GLI2: variants seen among roughly 807,000 people sequenced by gnomAD.
GLI2 encodes the protein transcription activator GLI2.
In GLI2, 22 loss-of-function variants were observed where a neutral mutation model predicts 78.9. That is an observed-to-expected ratio of 0.28 (90% CI 0.20 to 0.40). The LOEUF (loss-of-function observed/expected upper bound fraction) is 0.40. Ranked by LOEUF, GLI2 falls within the 10% of genes least tolerant of loss-of-function variation. The pLI is 1.00. For synonymous variants in GLI2, 974 were observed against 963.7 expected, an observed-to-expected ratio of 1.01 and a Z score of -0.20; for missense variants, 2,097 against 2,213.2, an observed-to-expected ratio of 0.95 and a Z score of 1.05.
At chr2:120,853,576 C>T (rs1271933743) in intron 2 of GLI2, among the ~76,000 whole-genome samples, 1 of 152,230 alleles carries the variant, frequency 6.6e-6, no homozygotes, top group East Asian at 1.9e-4. Context: ...TTCTAAGTCA[C>T]TAGTCCCTTG....
At chr2:120,831,115 C>T (rs1203559988) in intron 2 of GLI2, among the ~76,000 whole-genome samples, 4 of 151,812 alleles carry the variant, frequency 2.6e-5, no homozygotes. Context: ...CTGTCATCCT[C>T]TCTCTTTCTG....
Position 120,990,749 on chromosome 2 carries a change from T to G in GLI2, c.*74T>G. The G allele has an allele frequency of 7.5e-7, 1 of 1,326,830 alleles. No individual in the cohort carries two copies. The allele number at this position is 1,326,830 out of a possible 1,614,324, so 82.2% of individuals were successfully genotyped here. On this transcript the variant is annotated 3_prime_UTR_variant, in exon 14 of 14. Coordinates refer to ENST00000361492, the MANE Select transcript of GLI2 (RefSeq NM_001374353.1). ...CAGAGCCTGGGGATTCCAGCTGTCT[T>G]GTCTTTTTCCAAAAAAGTGTTAAAT...
chr2:120,743,918 G>C (rs979300988), intron 1 of GLI2, among the ~76,000 whole-genome samples: 2 of 152,234 alleles, frequency 1.3e-5, no homozygotes, highest in African/African-American at 4.8e-5. Flanking sequence ...CCCCTGGGGA[G>C]AGTTGGGTGC....
chr2:120,832,469 G>A (rs1686411309), intron 2 of GLI2, among the ~76,000 whole-genome samples: 2 of 151,434 alleles, frequency 1.3e-5, no homozygotes, highest in Admixed American at 1.3e-4. Flanking sequence ...CCTGAGCCTG[G>A]GCACTGGTCA....
chr2:120,847,318 T>TG (rs1475151029), intron 2 of GLI2, among the ~76,000 whole-genome samples: 1 of 152,126 alleles, frequency 6.6e-6, no homozygotes, highest in Non-Finnish European at 1.5e-5. Flanking sequence ...CCCAGAAGCC[T>TG]GGATTATATT....
intron 4 of GLI2, chr2:120,951,699 C>T (rs1681002962): frequency 2.2e-6 from 1 of 448,364 alleles, no homozygotes; most frequent in African/African-American, 2.0e-5. Flanking sequence ...AGGGTCTATC[C>T]AGGTAGGTCC....
intron 11 of GLI2, among the ~76,000 whole-genome samples, chr2:120,983,793 C>T (rs562726706): frequency 3.3e-5 from 5 of 152,342 alleles, no homozygotes; most frequent in Admixed American, 2.6e-4. Context: ...AGGGACTTTG[C>T]TCCAATGCTT....
rs181643902 is a variant in GLI2, at chr2:120,897,249, C to T, written c.149-30112C>T. 5.3e-5 allele frequency among the ~76,000 whole-genome samples: 8 copies of T among 152,362 alleles called. No individual in the cohort carries two copies. In the East Asian group the frequency reaches 1.3e-3, roughly 26 times the overall value. On this transcript the variant is annotated intron_variant, in intron 2 of 13. Transcript: ENST00000361492. ...CTTCCTGTTAGGGGAACGAGGATTC[C>T]ATCCTTTGAGTCCTAAACCTCTGAA...
At chr2:120,818,929 C>T (rs1685634388) in intron 2 of GLI2, among the ~76,000 whole-genome samples, 2 of 152,086 alleles carry the variant, frequency 1.3e-5, no homozygotes, top group South Asian at 4.2e-4. Flanking sequence ...CAGCCCCCCG[C>T]CCTCTTTTAC....
intron 2 of GLI2, among the ~76,000 whole-genome samples, chr2:120,904,106 A>G (rs1391166237): frequency 6.6e-6 from 1 of 152,102 alleles, no homozygotes; most frequent in African/African-American, 2.4e-5. Context: ...GAGGACAGCC[A>G]TGGGCAGTGG....
chr2:120,946,684 G>C (rs1041590795), intron 3 of GLI2, among the ~76,000 whole-genome samples: 2 of 152,198 alleles, frequency 1.3e-5, no homozygotes, highest in Admixed American at 1.3e-4. Flanking sequence ...GCCTTTCCTG[G>C]TGAAGTCTCC....
chr2:120,860,296 G>A (rs1206870622), intron 2 of GLI2, among the ~76,000 whole-genome samples: 9 of 152,180 alleles, frequency 5.9e-5, no homozygotes, highest in Admixed American at 5.9e-4. Flanking sequence ...GTCAGTTCCA[G>A]TACCCCCAAG....
In GLI2 at chr2:120,916,040, G is replaced by A. The variant is rs116465972; in HGVS notation, c.149-11321G>A. 2.4e-3 allele frequency among the ~76,000 whole-genome samples: 371 copies of A among 152,304 alleles called. 4 individuals carry two copies. Among genetic ancestry groups the A allele is most frequent in the African/African-American group, 8.2e-3 (343 of 41,576 alleles). On this transcript the variant is annotated intron_variant, in intron 2 of 13. Coordinates refer to ENST00000361492, the MANE Select transcript of GLI2 (RefSeq NM_001374353.1). ...GGAACTATGGAGCCACAGCAAGTGT[G>A]GAAATGCCAAAGGGCCTGTGAGTCT...
intron 2 of GLI2, among the ~76,000 whole-genome samples, chr2:120,798,695 TG>T (rs1684536444): frequency 6.6e-6 from 1 of 152,052 alleles, no homozygotes; most frequent in South Asian, 2.1e-4. Context: ...GCCCTCCCTC[TG>T]TGAGGAGGGG....
intron 3 of GLI2, among the ~76,000 whole-genome samples, chr2:120,940,970 T>C (rs912711430): frequency 6.6e-6 from 1 of 152,234 alleles, no homozygotes; most frequent in Non-Finnish European, 1.5e-5. Context: ...TGTGGGGCCC[T>C]GGCCAAGTCG....
intron 2 of GLI2, among the ~76,000 whole-genome samples, chr2:120,817,723 G>C (rs1034130532): frequency 7.2e-5 from 11 of 152,052 alleles, no homozygotes; most frequent in Non-Finnish European, 1.3e-4. Context: ...TCATCCACTG[G>C]CCTGCCTGGT....
intron 5 of GLI2, among the ~76,000 whole-genome samples, chr2:120,960,817 A>C (rs1206991970): frequency 6.6e-6 from 1 of 152,166 alleles, no homozygotes; most frequent in East Asian, 1.9e-4. Context: ...GGACAGAGGG[A>C]TTTCCCAGGC....
intron 2 of GLI2, among the ~76,000 whole-genome samples, chr2:120,844,464 C>G (rs1044247734): frequency 6.6e-6 from 1 of 152,148 alleles, no homozygotes; most frequent in Admixed American, 6.5e-5. Context: ...GGAGGGTCTC[C>G]GTCCCTTCCT....
intron 10 of GLI2, among the ~76,000 whole-genome samples, chr2:120,979,968 G>A (rs934513463): frequency 7.2e-5 from 11 of 152,198 alleles, no homozygotes; most frequent in Non-Finnish European, 1.0e-4. Flanking sequence ...TAGCATGCAC[G>A]CGTACTTTCT....
Sources: gnomAD v4.1 joint callset for allele counts (sites outside exome capture counted in the v4.1 genomes callset) on GRCh38, gnomAD v4.1.1 for gene constraint, MANE v1.5 for transcripts, NCBI Gene and HGNC (gene_info 2026-07-23, HGNC 2026-07-21) for gene names.